PDE1A: variants seen among roughly 807,000 people sequenced by gnomAD.
PDE1A encodes the protein phosphodiesterase 1A.
PDE1A carries 35 observed loss-of-function variants against 61.7 expected under a neutral mutation model. That is an observed-to-expected ratio of 0.57 (90% CI 0.43 to 0.75). The LOEUF (loss-of-function observed/expected upper bound fraction) is 0.75. PDE1A is among the 30% of genes least tolerant of loss of function. The pLI is 0.00. For missense variants in PDE1A, 597 were observed against 630.6 expected, an observed-to-expected ratio of 0.95 and a Z score of 0.57; for synonymous variants, 232 against 213.2, an observed-to-expected ratio of 1.09 and a Z score of -0.77.
the PDE1A span, among the ~76,000 whole-genome samples, chr2:182,555,835 C>A: frequency 6.6e-6 from 1 of 151,746 alleles, no homozygotes; most frequent in East Asian, 1.9e-4. Context: ...GATATGGTGG[C>A]AGGCACCTGC....
the PDE1A span, among the ~76,000 whole-genome samples, chr2:182,713,735 T>C: frequency 2.0e-5 from 3 of 152,228 alleles, no homozygotes; most frequent in African/African-American, 7.2e-5. Flanking sequence ...CTTTTTTGGC[T>C]TCTACTCAGC....
At chr2:182,626,598 ATAAACTTTTAGCAACAACC>A in the PDE1A span, among the ~76,000 whole-genome samples, 7 of 149,708 alleles carry the variant, frequency 4.7e-5, no homozygotes, top group African/African-American at 1.5e-4. Flanking sequence ...ATATAAATAC[ATAAACTTTTAGCAACAACC>A]TAAACTTTTA....
At chr2:182,574,880 C>T in the PDE1A span, among the ~76,000 whole-genome samples, 3 of 152,178 alleles carry the variant, frequency 2.0e-5, no homozygotes, top group South Asian at 4.2e-4. Context: ...TTAGTAGAGA[C>T]GGGGTTTCAC....
chr2:182,410,443 C>T (rs957567985), intron 1 of PDE1A, among the ~76,000 whole-genome samples: 8 of 152,186 alleles, frequency 5.3e-5, no homozygotes, highest in Admixed American at 3.9e-4. Context: ...CAGAGTGTGG[C>T]TTATTTTAAA....
the PDE1A span, among the ~76,000 whole-genome samples, chr2:182,601,023 T>A: frequency 6.6e-6 from 1 of 152,258 alleles, no homozygotes. Flanking sequence ...TTACAGGATC[T>A]TTGGGGTGTC....
In PDE1A at chr2:182,510,476, C is replaced by T. The variant is rs140418278; in HGVS notation, c.101+11800G>A. Reference sequence around the variant, plus strand: ...AAACTTGCTCACATATTACATTTGACTAGCTAATTGAAATATGTTAAATGA... The same window carrying T: ...AAACTTGCTCACATATTACATTTGATTAGCTAATTGAAATATGTTAAATGA... On this transcript the variant is annotated intron_variant, in intron 2 of 14. Transcript: ENST00000410103. Among the ~76,000 whole-genome samples, 331 of 152,262 alleles carry T rather than the reference C, an allele frequency of 2.2e-3. 5 individuals carry two copies. Among genetic ancestry groups the T allele is most frequent in the East Asian group, 0.012 (62 of 5,192 alleles).
At chr2:182,148,231 T>C (rs114022762) in intron 13 of PDE1A, among the ~76,000 whole-genome samples, 11 of 152,288 alleles carry the variant, frequency 7.2e-5, no homozygotes, top group Non-Finnish European at 1.3e-4. Flanking sequence ...TAAGACTCCT[T>C]TCCCACCTTG....
At chr2:182,416,409 G>T (rs1252685007) in intron 1 of PDE1A, among the ~76,000 whole-genome samples, 1 of 152,090 alleles carries the variant, frequency 6.6e-6, no homozygotes, top group Non-Finnish European at 1.5e-5. Context: ...CTTAATTTAC[G>T]CTCAGCTGTT....
chr2:182,435,901 A>G (rs1052417347), intron 2 of PDE1A, among the ~76,000 whole-genome samples: 4 of 152,074 alleles, frequency 2.6e-5, no homozygotes, highest in Non-Finnish European at 5.9e-5. Context: ...CAACCAAGAA[A>G]TGAATTGAAT....
intron 10 of PDE1A, among the ~76,000 whole-genome samples, chr2:182,195,463 G>A (rs1286660256): frequency 2.0e-5 from 3 of 152,046 alleles, no homozygotes; most frequent in Non-Finnish European, 4.4e-5. Flanking sequence ...CTGAAGTCAA[G>A]TCCAATTATC....
At chr2:182,587,175 C>A in the PDE1A span, among the ~76,000 whole-genome samples, 3 of 152,166 alleles carry the variant, frequency 2.0e-5, no homozygotes, top group African/African-American at 7.2e-5. Flanking sequence ...TAAGCAGGAA[C>A]CAGGTCACAC....
At chr2:182,659,877 T>C in the PDE1A span, among the ~76,000 whole-genome samples, 2 of 152,238 alleles carry the variant, frequency 1.3e-5, no homozygotes, top group Non-Finnish European at 2.9e-5. Flanking sequence ...GAAAATGTTT[T>C]TTCTGTCACT....
chr2:182,423,421 C>A (rs571582743), intron 1 of PDE1A, among the ~76,000 whole-genome samples: 1 of 152,298 alleles, frequency 6.6e-6, no homozygotes, highest in South Asian at 2.1e-4. Flanking sequence ...CTCCTAATAT[C>A]GTAGCCAGCT....
chr2:182,443,552 T>G (rs2125686649), intron 2 of PDE1A, among the ~76,000 whole-genome samples: 1 of 152,178 alleles, frequency 6.6e-6, no homozygotes, highest in South Asian at 2.1e-4. Flanking sequence ...TCCTTTGCTC[T>G]GTCTCTCTCC....
chr2:182,233,471 C>A (rs531090792), intron 4 of PDE1A, among the ~76,000 whole-genome samples: 1 of 152,054 alleles, frequency 6.6e-6, no homozygotes, highest in South Asian at 2.1e-4. Context: ...AATGAGCTAT[C>A]TTTTAACATT....
At chr2:182,387,903 G>A (rs1701208843) in intron 1 of PDE1A, among the ~76,000 whole-genome samples, 1 of 152,166 alleles carries the variant, frequency 6.6e-6, no homozygotes, top group South Asian at 2.1e-4. Flanking sequence ...ATGGTTGAAT[G>A]GATAAAAAAA....
At chr2:182,439,478 A>T (rs1022774822) in intron 2 of PDE1A, among the ~76,000 whole-genome samples, 1 of 151,978 alleles carries the variant, frequency 6.6e-6, no homozygotes, top group Non-Finnish European at 1.5e-5. Context: ...GAGAATTGGG[A>T]GTCAGGAGGA....
chr2:182,601,203 C>T, the PDE1A span, among the ~76,000 whole-genome samples: 2 of 152,176 alleles, frequency 1.3e-5, no homozygotes, highest in Non-Finnish European at 2.9e-5. Context: ...GGTGTGTGAG[C>T]AAGTGAGTGT....
At chr2:182,395,271 A>C (rs929087072) in intron 1 of PDE1A, among the ~76,000 whole-genome samples, 8 of 152,298 alleles carry the variant, frequency 5.3e-5, no homozygotes, top group Middle Eastern at 3.4e-3. Flanking sequence ...TTTGTGTCAT[A>C]ATCTTGTTTG....
Sources: gnomAD v4.1 joint callset for allele counts (sites outside exome capture counted in the v4.1 genomes callset) on GRCh38, gnomAD v4.1.1 for gene constraint, MANE v1.5 for transcripts, NCBI Gene and HGNC (gene_info 2026-07-23, HGNC 2026-07-21) for gene names.